Variants in C4orf50 observed in about 807,000 individuals in gnomAD.
C4orf50 encodes chromosome 4 open reading frame 50.
In C4orf50, 80 loss-of-function variants were observed where a neutral mutation model predicts 77.2. The observed-to-expected ratio is 1.04, with a 90% CI of 0.87 to 1.25. The LOEUF (loss-of-function observed/expected upper bound fraction) is 1.25, where lower values mean the gene tolerates loss of function less well. Among genes scored for constraint, C4orf50 ranks in the 50% most tolerant of loss-of-function variants. The pLI, the probability that C4orf50 is intolerant of heterozygous loss-of-function variation, is 0.00. For synonymous variants in C4orf50, 532 were observed against 465.3 expected, an observed-to-expected ratio of 1.14 and a Z score of -1.84; for missense variants, 1,257 against 1,152.9, an observed-to-expected ratio of 1.09 and a Z score of -1.31.
At chr4:5,956,135 C>G (rs1718947055), downstream of C4orf50, among the ~76,000 whole-genome samples, 1 of 152,208 alleles carries the variant, frequency 6.6e-6, no homozygotes, top group African/African-American at 2.4e-5. Context: ...GAAAGGGTCA[C>G]ACAGCAGGAT....
exon 28 of C4orf50, chr4:5,990,758 C>T (rs969511544): frequency 1.3e-5 from 5 of 399,036 alleles, no homozygotes; most frequent in South Asian, 1.3e-4. Context: ...TCCAAGCACT[C>T]CTCTGGTGGG....
intron 7 of C4orf50, among the ~76,000 whole-genome samples, chr4:5,906,004 C>T (rs10937690): frequency 0.39 from 58,578 of 151,870 alleles, 14,008 homozygotes; most frequent in East Asian, 0.73. Context: ...AAATGCAAGT[C>T]CCAGGTGCTG....
chr4:5,976,893 C>G (rs1237678778), intron 29 of C4orf50, among the ~76,000 whole-genome samples: 5 of 152,230 alleles, frequency 3.3e-5, no homozygotes, highest in African/African-American at 1.2e-4. Flanking sequence ...CAGATCTGGG[C>G]TGGCCTGAGA....
At chr4:5,967,565 C>CA in intron 31 of C4orf50, 103 bp from the exon 10 acceptor site, 3 of 1,043,062 alleles carry the variant, frequency 2.9e-6, no homozygotes, top group Non-Finnish European at 3.0e-6. Flanking sequence ...CCCCTCCCCG[C>CA]AAAAAACCGC....
intron 7 of C4orf50, among the ~76,000 whole-genome samples, chr4:5,906,823 C>G (rs902068632): frequency 3.3e-5 from 5 of 152,192 alleles, no homozygotes; most frequent in Non-Finnish European, 7.4e-5. Flanking sequence ...GCTTCAAATC[C>G]TTTTTTGAGG....
In C4orf50 at chr4:5,922,327, C is replaced by G. The variant is rs569152075; in HGVS notation, c.*2475-24139G>C. Among the ~76,000 whole-genome samples, 495 of 152,314 alleles carry G rather than the reference C, an allele frequency of 3.2e-3. 1 individual carries two copies. Among genetic ancestry groups the G allele is most frequent in the Non-Finnish European group, 5.8e-3 (392 of 68,012 alleles). On this transcript the variant is annotated intron_variant, in intron 7 of 7. Transcript: ENST00000324058. Reference sequence around the variant, plus strand: ...AAACAACTGCCTGAAAAGATGCAAACCTTAAGTCCGTGTTTCCTACACAAT... The same window carrying G: ...AAACAACTGCCTGAAAAGATGCAAAGCTTAAGTCCGTGTTTCCTACACAAT...
intron 23 of C4orf50, among the ~76,000 whole-genome samples, chr4:6,012,932 T>A (rs1313532699): frequency 6.6e-6 from 1 of 152,098 alleles, no homozygotes; most frequent in African/African-American, 2.4e-5. Flanking sequence ...GCTCTACATA[T>A]CCTCACTCCT....
intron 29 of C4orf50, among the ~76,000 whole-genome samples, chr4:5,978,991 C>T (rs980537072): frequency 6.6e-6 from 1 of 152,138 alleles, no homozygotes; most frequent in Non-Finnish European, 1.5e-5. Flanking sequence ...GAAATTATAC[C>T]GTAATGCTGA....
At chr4:5,942,054 G>C (rs771851534) in intron 7 of C4orf50, among the ~76,000 whole-genome samples, 2 of 152,204 alleles carry the variant, frequency 1.3e-5, no homozygotes, top group Admixed American at 6.5e-5. Flanking sequence ...CCAGACACTG[G>C]AGAAAGGGTT....
intron 7 of C4orf50, among the ~76,000 whole-genome samples, chr4:5,924,987 T>C (rs1220421108): frequency 6.1e-5 from 9 of 148,322 alleles, no homozygotes. Context: ...GGGAATTCCC[T>C]GGCCAGGAAG....
chr4:5,907,906 C>A (rs1357397680), intron 7 of C4orf50, among the ~76,000 whole-genome samples: 1 of 152,132 alleles, frequency 6.6e-6, no homozygotes, highest in Non-Finnish European at 1.5e-5. Context: ...TGAGAAGGTG[C>A]CATGAGGCAG....
At position 5,967,326 on chromosome 4, in the gene C4orf50, C is replaced by A. The variant is rs1719633892; in HGVS notation, c.4153+88G>T. 3 of 1,021,550 alleles carry A rather than the reference C, an allele frequency of 2.9e-6. No individual in the cohort carries two copies. The South Asian group carries it at 3.8e-5, about 13-fold the overall frequency. The allele number at this position is 1,021,550 out of a possible 1,614,324, so 63.3% of individuals were successfully genotyped here. ...GTAGCATGAATGCGACAGTGGGCAT[C>A]TCCCCTCTGGCCCACCTCTCACAGC... On this transcript the variant is annotated intron_variant, in intron 32 of 33. Transcript: ENST00000531445.
At chr4:5,975,490 CG>C (rs1560575934) in intron 30 of C4orf50, among the ~76,000 whole-genome samples, 2 of 127,630 alleles carry the variant, frequency 1.6e-5, no homozygotes, top group Non-Finnish European at 3.2e-5. Context: ...TTCTTCTTTG[CG>C]GTTTTTTTGT....
intron 28 of C4orf50, among the ~76,000 whole-genome samples, chr4:5,984,876 T>G (rs1720777385): frequency 6.7e-6 from 1 of 149,276 alleles, no homozygotes; most frequent in Non-Finnish European, 1.5e-5. Context: ...ACAAAAAAAT[T>G]AAAACAAGCA....
intron 32 of C4orf50, 30 bp downstream of exon 10, chr4:5,967,384 A>G (rs1719637665): frequency 6.3e-7 from 1 of 1,596,520 alleles, no homozygotes; most frequent in Admixed American, 1.7e-5. Flanking sequence ...CTGAGCACAC[A>G]GGCTTTTCCT....
chr4:5,915,714 T>C (rs982820261), intron 7 of C4orf50, among the ~76,000 whole-genome samples: 1 of 152,178 alleles, frequency 6.6e-6, no homozygotes, highest in Non-Finnish European at 1.5e-5. Context: ...CACTTCAGTC[T>C]CCCTGATGAG....
intron 7 of C4orf50, among the ~76,000 whole-genome samples, chr4:5,951,040 C>T (rs904581086): frequency 2.0e-5 from 3 of 152,328 alleles, no homozygotes; most frequent in African/African-American, 7.2e-5. Flanking sequence ...ATCCCCAAAG[C>T]AGCATGTGCT....
At chr4:5,950,392 G>T (rs1260354444) in intron 7 of C4orf50, among the ~76,000 whole-genome samples, 1 of 152,140 alleles carries the variant, frequency 6.6e-6, no homozygotes, top group African/African-American at 2.4e-5. Context: ...GAGAGAAGGG[G>T]GTGGTGTAGA....
At chr4:5,921,419 G>A (rs2108738038) in intron 7 of C4orf50, among the ~76,000 whole-genome samples, 1 of 152,340 alleles carries the variant, frequency 6.6e-6, no homozygotes, top group East Asian at 1.9e-4. Flanking sequence ...ATGCGTGTCT[G>A]CATATGTAGA....
Sources: allele counts gnomAD v4.1 joint callset (sites outside exome capture counted in the v4.1 genomes callset), GRCh38; gene constraint gnomAD v4.1.1; transcripts MANE v1.5; gene names NCBI Gene and HGNC (gene_info 2026-07-23, HGNC 2026-07-21).